MAML2: variants seen among roughly 807,000 people sequenced by gnomAD.
MAML2 encodes the protein mastermind-like protein 2.
In MAML2, 22 loss-of-function variants were observed where a neutral mutation model predicts 96.1. The ratio of observed to expected loss-of-function variants is 0.23; its 90% CI spans 0.16 to 0.33. The LOEUF is 0.33. Among genes scored for constraint, MAML2 ranks in the 10% least tolerant of loss-of-function variants. MAML2 has a pLI of 1.00. For synonymous variants in MAML2, 561 were observed against 521.3 expected (o/e 1.08, Z -1.04); for missense variants, 1,367 against 1,392.4 (o/e 0.98, Z 0.29).
chr11:96,185,497 A>T (rs539101014), intron 1 of MAML2, among the ~76,000 whole-genome samples: 1 of 152,310 alleles, frequency 6.6e-6, no homozygotes, highest in East Asian at 1.9e-4. Flanking sequence ...ACTGCTCTCA[A>T]GGAAATTACT....
chr11:96,211,948 G>A (rs910650447), intron 1 of MAML2, among the ~76,000 whole-genome samples: 2 of 152,082 alleles, frequency 1.3e-5, no homozygotes, highest in Admixed American at 1.3e-4. Context: ...AAAGATGAGT[G>A]CTGAACTGAC....
intron 1 of MAML2, among the ~76,000 whole-genome samples, chr11:96,292,118 T>C (rs1239994134): frequency 6.6e-6 from 1 of 152,230 alleles, no homozygotes; most frequent in African/African-American, 2.4e-5. Flanking sequence ...TTGTAGCACA[T>C]AACTACTGCT....
intron 2 of MAML2, among the ~76,000 whole-genome samples, chr11:96,012,591 G>C (rs1352458172): frequency 1.3e-5 from 2 of 152,062 alleles, no homozygotes; most frequent in Non-Finnish European, 2.9e-5. Context: ...ATGGATATAG[G>C]GAGTATGAAC....
intron 2 of MAML2, among the ~76,000 whole-genome samples, chr11:96,081,013 C>T (rs907894225): frequency 1.3e-5 from 2 of 152,110 alleles, no homozygotes; most frequent in Admixed American, 1.3e-4. Flanking sequence ...CCTATAAGGT[C>T]TGTATGCCCT....
At chr11:96,339,790 C>A (rs141284939) in intron 1 of MAML2, among the ~76,000 whole-genome samples, 5 of 152,202 alleles carry the variant, frequency 3.3e-5, no homozygotes, top group African/African-American at 1.2e-4. Context: ...TCCATTTGAG[C>A]GATTCTTTAC....
chr11:96,187,531 G>A (rs1213082831), intron 1 of MAML2, among the ~76,000 whole-genome samples: 2 of 152,148 alleles, frequency 1.3e-5, no homozygotes, highest in East Asian at 1.9e-4. Context: ...TAAACAGGCC[G>A]GGTGCGGTGG....
At chr11:96,239,312 A>G (rs1468154412) in intron 1 of MAML2, among the ~76,000 whole-genome samples, 1 of 152,236 alleles carries the variant, frequency 6.6e-6, no homozygotes. Flanking sequence ...GAGTGATGGC[A>G]GTAGAAGAGA....
At chr11:96,255,754 A>C (rs937574633) in intron 1 of MAML2, among the ~76,000 whole-genome samples, 1 of 152,056 alleles carries the variant, frequency 6.6e-6, no homozygotes, top group African/African-American at 2.4e-5. Flanking sequence ...AGAGCAGAAG[A>C]CAGAAAGAAC....
chr11:96,290,407 T>G (rs1040477273), intron 1 of MAML2, among the ~76,000 whole-genome samples: 2 of 152,240 alleles, frequency 1.3e-5, no homozygotes, highest in African/African-American at 2.4e-5. Context: ...AATAACTGTG[T>G]TGCTTCTATT....
chr11:96,334,451 AAC>A (rs1247467269), intron 1 of MAML2, among the ~76,000 whole-genome samples: 4 of 152,212 alleles, frequency 2.6e-5, no homozygotes, highest in Non-Finnish European at 5.9e-5. Flanking sequence ...TATCCAAGAA[AAC>A]ACAACTAAGT....
At chr11:96,225,650 G>A (rs1460102780) in intron 1 of MAML2, among the ~76,000 whole-genome samples, 2 of 152,068 alleles carry the variant, frequency 1.3e-5, no homozygotes, top group East Asian at 3.9e-4. Context: ...TGAGCAACAT[G>A]GTGAAACCCG....
chr11:96,149,393 G>T (rs556414168), intron 1 of MAML2, among the ~76,000 whole-genome samples: 11 of 133,226 alleles, frequency 8.3e-5, no homozygotes, highest in Admixed American at 7.9e-4. Flanking sequence ...CTCCAGCCTG[G>T]GTGACAGAGT....
chr11:96,037,685 A>G (rs1045676510), intron 2 of MAML2, among the ~76,000 whole-genome samples: 3 of 152,186 alleles, frequency 2.0e-5, no homozygotes, highest in African/African-American at 7.2e-5. Flanking sequence ...AGAACCAGCA[A>G]TTGGCTGGAT....
At chr11:96,145,385 C>G (rs1464664095) in intron 1 of MAML2, among the ~76,000 whole-genome samples, 1 of 152,202 alleles carries the variant, frequency 6.6e-6, no homozygotes, top group Non-Finnish European at 1.5e-5. Flanking sequence ...CTGCAAAAAT[C>G]TCTACAGAAA....
intron 1 of MAML2, among the ~76,000 whole-genome samples, chr11:96,319,141 C>A (rs150636817): frequency 6.6e-6 from 1 of 152,202 alleles, no homozygotes; most frequent in African/African-American, 2.4e-5. Context: ...GCAGCCTATA[C>A]GGAGGCCATC....
chr11:96,293,365 A>T (rs989181749), intron 1 of MAML2, among the ~76,000 whole-genome samples: 2 of 152,186 alleles, frequency 1.3e-5, no homozygotes, highest in African/African-American at 4.8e-5. Flanking sequence ...ATCTTACAAA[A>T]TTATGTTATA....
At chr11:96,166,630 C>T (rs187323913) in intron 1 of MAML2, among the ~76,000 whole-genome samples, 10 of 152,168 alleles carry the variant, frequency 6.6e-5, no homozygotes, top group African/African-American at 1.7e-4. Context: ...TTCTGAGGTT[C>T]GCTGGCATTC....
chr11:96,176,016 T>G (rs1271726309), intron 1 of MAML2, among the ~76,000 whole-genome samples: 1 of 152,216 alleles, frequency 6.6e-6, no homozygotes, highest in African/African-American at 2.4e-5. Flanking sequence ...TCAATGTGTA[T>G]AGTGCTTTAT....
At chr11:96,312,653 A>AT (rs996314264) in intron 1 of MAML2, among the ~76,000 whole-genome samples, 18 of 151,716 alleles carry the variant, frequency 1.2e-4, no homozygotes, top group African/African-American at 3.1e-4. Flanking sequence ...GCTATCCACT[A>AT]TTTTTTTTTA....
Sources: allele counts gnomAD v4.1 joint callset (sites outside exome capture counted in the v4.1 genomes callset), GRCh38; gene constraint gnomAD v4.1.1; transcripts MANE v1.5; gene names NCBI Gene and HGNC (gene_info 2026-07-23, HGNC 2026-07-21).